Variants in PCSK6 observed in about 807,000 individuals in gnomAD.
PCSK6 encodes paired basic amino acid cleaving enzyme 4.
A neutral mutation model predicts 123.3 loss-of-function variants in PCSK6; 85 were observed. The observed-to-expected ratio is 0.69, with a 90% CI of 0.58 to 0.83. The LOEUF is 0.83. Among genes scored for constraint, PCSK6 ranks in the 40% least tolerant of loss-of-function variants. PCSK6 has a pLI of 0.00. For missense variants in PCSK6, 1,191 were observed against 1,282.3 expected (o/e 0.93, Z 1.09); for synonymous variants, 508 against 516.0 (o/e 0.98, Z 0.21).
At chr15:101,445,920 C>G (rs2056877528) in intron 1 of PCSK6, among the ~76,000 whole-genome samples, 1 of 152,250 alleles carries the variant, frequency 6.6e-6, no homozygotes, top group African/African-American at 2.4e-5. Context: ...GGGGAAGCCA[C>G]CTTTCCCCTC....
At chr15:101,441,877 G>A (rs1445594565) in intron 2 of PCSK6, among the ~76,000 whole-genome samples, 1 of 152,218 alleles carries the variant, frequency 6.6e-6, no homozygotes, top group Non-Finnish European at 1.5e-5. Flanking sequence ...AAGTGAAAGT[G>A]TGGAGGGATG....
intron 6 of PCSK6, among the ~76,000 whole-genome samples, chr15:101,427,099 G>C (rs549036055): frequency 6.6e-6 from 1 of 152,290 alleles, no homozygotes; most frequent in South Asian, 2.1e-4. Flanking sequence ...CCGGGCTCCC[G>C]TGGGGAATAG....
At chr15:101,399,358 C>A (rs2042517954) in intron 6 of PCSK6, among the ~76,000 whole-genome samples, 1 of 152,196 alleles carries the variant, frequency 6.6e-6, no homozygotes, top group African/African-American at 2.4e-5. Flanking sequence ...GAAGCCCGCA[C>A]CCCAGGTTGC....
chr15:101,363,206 G>C (rs1217778550), intron 13 of PCSK6, among the ~76,000 whole-genome samples: 2 of 152,230 alleles, frequency 1.3e-5, no homozygotes, highest in Non-Finnish European at 2.9e-5. Context: ...CAGAGGCACA[G>C]TTCCATGGGG....
intron 6 of PCSK6, among the ~76,000 whole-genome samples, chr15:101,414,709 C>T (rs888944807): frequency 4.6e-5 from 7 of 152,044 alleles, no homozygotes; most frequent in Non-Finnish European, 8.8e-5. Context: ...TACATCTAAC[C>T]AGCAAAAGGC....
At position 101,330,192 on chromosome 15, in the gene PCSK6, C is replaced by G. The variant is rs375138938; in HGVS notation, c.2077+1459G>C. 2.4e-3 allele frequency among the ~76,000 whole-genome samples: 363 copies of G among 152,362 alleles called. 3 individuals carry two copies. The highest frequency in any genetic ancestry group is 8.5e-3 in the African/African-American group (352 of 41,584). On this transcript the variant is annotated intron_variant, in intron 15 of 21. Transcript: ENST00000611716. The stretch of plus-strand genomic sequence containing the variant: ...CTGCCCACTGCAGCTGCTGCCCTTT[C>G]TCCCAGCCAGATGCTCTGGTCCTCA...
intron 1 of PCSK6, among the ~76,000 whole-genome samples, chr15:101,455,941 C>T (rs186865476): frequency 2.0e-4 from 30 of 150,352 alleles, no homozygotes; most frequent in African/African-American, 5.8e-4. Context: ...GGGATTTCTC[C>T]GGCAAGCTGT....
rs568249884 is a variant in PCSK6, at chr15:101,366,072, T to C, written c.1858+124A>G. 147 of 1,037,694 alleles carry C rather than the reference T, an allele frequency of 1.4e-4. 1 individual carries two copies. The South Asian group carries it at 2.2e-3, about 16-fold the overall frequency. The allele number at this position is 1,037,694 out of a possible 1,614,324, so 64.3% of individuals were successfully genotyped here. A position where few individuals can be genotyped will look rare whatever the true frequency, so the allele number is the denominator to read the frequency against. ...AATTAAAATGGTGAATTTTCTGTTA[T>C]GGGAATTCTACCTCTAAAACACAAA... On this transcript the variant is annotated intron_variant, in intron 13 of 21. Transcript: ENST00000611716.
chr15:101,320,370 G>A (rs2040091842), intron 18 of PCSK6, among the ~76,000 whole-genome samples: 1 of 152,246 alleles, frequency 6.6e-6, no homozygotes, highest in Non-Finnish European at 1.5e-5. Flanking sequence ...ACAGGCGTGA[G>A]CCACTGCGTT....
At chr15:101,340,783 G>T (rs1596202465) in intron 13 of PCSK6, among the ~76,000 whole-genome samples, 1 of 150,410 alleles carries the variant, frequency 6.6e-6, no homozygotes, top group Admixed American at 6.7e-5. Context: ...ACCTCCCAAT[G>T]TTCTAACAAA....
chr15:101,405,360 C>T (rs908820848), intron 6 of PCSK6, among the ~76,000 whole-genome samples: 9 of 152,300 alleles, frequency 5.9e-5, no homozygotes, highest in Admixed American at 2.0e-4. Context: ...CACAGCGTGG[C>T]ACAATGAACC....
At chr15:101,448,060 T>C (rs1472028076) in intron 1 of PCSK6, among the ~76,000 whole-genome samples, 1 of 152,260 alleles carries the variant, frequency 6.6e-6, no homozygotes, top group Non-Finnish European at 1.5e-5. Flanking sequence ...GGCATTGTCT[T>C]TGTAATGTCA....
chr15:101,385,525 G>C (rs1448284219), intron 9 of PCSK6, among the ~76,000 whole-genome samples: 1 of 152,162 alleles, frequency 6.6e-6, no homozygotes, highest in African/African-American at 2.4e-5. Flanking sequence ...AATTCTAAGA[G>C]ATATGGATGC....
intron 8 of PCSK6, among the ~76,000 whole-genome samples, chr15:101,389,908 C>A (rs1320788009): frequency 2.6e-5 from 4 of 152,128 alleles, no homozygotes; most frequent in African/African-American, 9.7e-5. Flanking sequence ...CCCCACAAGC[C>A]CTCATCCCTG....
chr15:101,368,535 G>A (rs928913178), intron 12 of PCSK6, among the ~76,000 whole-genome samples: 1 of 152,158 alleles, frequency 6.6e-6, no homozygotes, highest in African/African-American at 2.4e-5. Flanking sequence ...AACTCTCCAG[G>A]GTCACTGCCA....
chr15:101,414,764 A>C (rs1286203805), intron 6 of PCSK6, among the ~76,000 whole-genome samples: 1 of 152,218 alleles, frequency 6.6e-6, no homozygotes, highest in Non-Finnish European at 1.5e-5. Context: ...AGATGGATGG[A>C]TGGATGGATG....
chr15:101,323,661 G>A (rs4965379), intron 17 of PCSK6, among the ~76,000 whole-genome samples: 138,032 of 151,290 alleles, frequency 0.91, 63,189 homozygotes, highest in African/African-American at 0.98. Flanking sequence ...TGAACCCAAG[G>A]GGCAGAGGGT....
rs79892539 is a variant in PCSK6, at chr15:101,356,884, G to T, written c.1858+9312C>A. 0.012 allele frequency among the ~76,000 whole-genome samples: 1,821 copies of T among 152,200 alleles called. 104 individuals carry two copies. In the East Asian group the frequency reaches 0.16, roughly 13 times the overall value. On this transcript the variant is annotated intron_variant, in intron 13 of 21. Coordinates refer to ENST00000611716, the MANE Select transcript of PCSK6 (RefSeq NM_002570.5). ...GGCCTGGGAACTGAAGAGGAAAATG[G>T]ATGACTGATGTGCTACTCAACCTTT... is the stretch of plus-strand genomic sequence containing the variant.
chr15:101,403,436 AAG>A (rs1214607253), intron 6 of PCSK6, among the ~76,000 whole-genome samples: 5 of 147,728 alleles, frequency 3.4e-5, no homozygotes, highest in South Asian at 4.3e-4. Flanking sequence ...ATTAAAAAAA[AAG>A]AGAGAGAAAA....
Sources: allele counts gnomAD v4.1 joint callset (sites outside exome capture counted in the v4.1 genomes callset), GRCh38; gene constraint gnomAD v4.1.1; transcripts MANE v1.5; gene names NCBI Gene and HGNC (gene_info 2026-07-23, HGNC 2026-07-21).